The following DHTKD1 variants were observed in gnomAD, a reference collection of about 807,000 sequenced individuals.
The protein encoded by DHTKD1 is 2-oxoadipate dehydrogenase complex component E1.
Under a neutral mutation model 101.8 loss-of-function variants are expected in DHTKD1, and 78 were observed. The ratio of observed to expected loss-of-function variants is 0.77; its 90% confidence interval spans 0.64 to 0.93. The LOEUF is 0.93. DHTKD1 is among the 40% of genes least tolerant of loss of function. The probability of loss-of-function intolerance (pLI) is 0.00; values close to 1 mark genes in which losing one functional copy is unlikely to be tolerated. For synonymous variants in DHTKD1, 462 were observed against 450.3 expected (o/e 1.03, Z -0.33); for missense variants, 1,223 against 1,161.7 (o/e 1.05, Z -0.77).
chr10:12,097,639 T>A (rs1344971130), intron 7 of DHTKD1, 45 bp from the exon 8 acceptor site: 2 of 1,525,396 alleles, frequency 1.3e-6, no homozygotes, highest in African/African-American at 2.7e-5. Context: ...TCTATTAGAT[T>A]GTTACAGGTC....
At chr10:12,069,286 C>T in intron 1 of DHTKD1, 99 bp downstream of exon 1, 1 of 368,896 alleles carries the variant, frequency 2.7e-6, no homozygotes, top group South Asian at 3.8e-5. Context: ...AACCGGCTGC[C>T]GGCCTGAACG....
At chr10:12,113,608 G>C (rs1401072619) in intron 13 of DHTKD1, among the ~76,000 whole-genome samples, 1 of 152,170 alleles carries the variant, frequency 6.6e-6, no homozygotes, top group African/African-American at 2.4e-5. Flanking sequence ...GCCCTCCTGA[G>C]CAGAAATACT....
intron 10 of DHTKD1, among the ~76,000 whole-genome samples, chr10:12,101,403 T>C (rs1833168411): frequency 6.6e-6 from 1 of 152,198 alleles, no homozygotes; most frequent in South Asian, 2.1e-4. Context: ...TCTGTAATCA[T>C]GTAAATGTCA....
At position 12,118,934 on chromosome 10, in the gene DHTKD1, C is replaced by T; in HGVS notation, c.2572+16C>T. 6.7e-7 allele frequency: 1 copy of T among 1,493,694 alleles called. No homozygotes were observed. The highest frequency in any genetic ancestry group is 9.0e-7 in the Non-Finnish European group (1 of 1,115,556). The allele number at this position is 1,493,694 out of a possible 1,614,324, so 92.5% of individuals were successfully genotyped here. On this transcript the variant is annotated intron_variant, in intron 15 of 16. Coordinates refer to ENST00000263035, the MANE Select transcript of DHTKD1 (RefSeq NM_018706.7). ...CATGTTAAAGGTAAGAGGTTGTTCTCATTTGGGTTTTGATGTTCAGATACC... is the reference window on the plus strand; with the variant it reads ...CATGTTAAAGGTAAGAGGTTGTTCTTATTTGGGTTTTGATGTTCAGATACC...
At position 12,120,497 on chromosome 10, in the gene DHTKD1, C is replaced by T. The variant is rs540831855; in HGVS notation, c.2658+230C>T. 7 of 517,378 alleles carry T rather than the reference C, an allele frequency of 1.4e-5. No homozygotes were observed. In the South Asian group the frequency reaches 1.5e-4, roughly 11 times the overall value. 32.0% of individuals were successfully genotyped at this position (517,378 alleles called of 1,614,324 possible). On this transcript the variant is annotated intron_variant, in intron 16 of 16. Transcript: ENST00000263035. The stretch of plus-strand genomic sequence containing the variant: ...TACAGGCGCCCGCCACCACACCCAG[C>T]TAAATTTTTTTTGTATTTTTAGTAG...
At position 12,116,893 on chromosome 10, in the gene DHTKD1, G is replaced by A. The variant is rs527525370; in HGVS notation, c.2320-780G>A. On this transcript the variant is annotated intron_variant, in intron 13 of 16. Coordinates refer to ENST00000263035, the MANE Select transcript of DHTKD1 (RefSeq NM_018706.7). ...TTTTGTATTTTTTTGTAGAGATGGG[G>A]TTTCACCATCTTGCCTAGGCTGGTC... 5.9e-5 allele frequency among the ~76,000 whole-genome samples: 9 copies of A among 152,036 alleles called. No homozygotes were observed. In the South Asian group the frequency reaches 1.9e-3, roughly 32 times the overall value.
Position 12,100,247 on chromosome 10 carries a change from T to C in DHTKD1, c.1741T>C (p.Ser581Pro). Residue 581 changes from serine to proline, a missense_variant, in exon 9 of 17, where the codon TCT becomes CCT. By Grantham distance (74) the Ser-to-Pro change is moderately conservative. Coordinates refer to ENST00000263035, the MANE Select transcript of DHTKD1 (RefSeq NM_018706.7). ...WATAEALALG[S>P]LLAQGFNVRL... is the part of the protein sequence containing the mutation. ...CACCGCGGAAGCTCTTGCCTTGGGT[T>C]CTTTACTTGCTCAAGGTAAGAATTT... 4.6e-6 allele frequency: 7 copies of C among 1,516,168 alleles called. No homozygotes were observed. Among genetic ancestry groups the C allele is most frequent in the Non-Finnish European group, 6.3e-6 (7 of 1,118,460 alleles). The allele number at this position is 1,516,168 out of a possible 1,614,324, so 93.9% of individuals were successfully genotyped here.
chr10:12,085,865 T>G (rs1832889532), intron 3 of DHTKD1, among the ~76,000 whole-genome samples: 1 of 152,116 alleles, frequency 6.6e-6, no homozygotes, highest in Non-Finnish European at 1.5e-5. Context: ...GAGCTAAGAT[T>G]GCACCACTGT....
At chr10:12,086,237 T>C (rs1163326436) in intron 3 of DHTKD1, among the ~76,000 whole-genome samples, 1 of 149,648 alleles carries the variant, frequency 6.7e-6, no homozygotes, top group Non-Finnish European at 1.5e-5. Context: ...TTTTTTTTTT[T>C]TTTGAGATGG....
chr10:12,099,793 CT>C lies in DHTKD1; in HGVS notation c.1672-364del, dbSNP rs55758504. Among the ~76,000 whole-genome samples, 165 of 96,152 alleles carry C rather than the reference CT, an allele frequency of 1.7e-3. 2 individuals carry two copies. Among genetic ancestry groups the C allele is most frequent in the African/African-American group, 4.8e-3 (134 of 27,756 alleles). 63.1% of individuals were successfully genotyped at this position (96,152 alleles called of 152,430 possible). ...TTGTTTTTGATGCTTAATTTCGTTG[CT>C]TTTTTTTTTTTTTTTTTTTTGAGAT... is the stretch of plus-strand genomic sequence containing the variant. On this transcript the variant is annotated intron_variant, in intron 8 of 16. Transcript: ENST00000263035.
intron 12 of DHTKD1, 59 bp from the exon 13 acceptor site, chr10:12,112,841 A>G: frequency 1.3e-6 from 2 of 1,507,554 alleles, no homozygotes; most frequent in Non-Finnish European, 1.8e-6. Flanking sequence ...GCCCATTGTC[A>G]CTACGACTGA....
intron 15 of DHTKD1, among the ~76,000 whole-genome samples, chr10:12,119,601 G>C (rs1219490391): frequency 7.1e-6 from 1 of 140,444 alleles, no homozygotes; most frequent in Non-Finnish European, 1.5e-5. Context: ...GGGCGACAGA[G>C]CGAGACTCCG....
Position 12,069,710 on chromosome 10 carries a change from T to C in DHTKD1, c.154+523T>C, listed in dbSNP as rs867295697. 4.6e-3 allele frequency among the ~76,000 whole-genome samples: 509 copies of C among 111,550 alleles called. 5 individuals carry two copies. Among genetic ancestry groups the C allele is most frequent in the African/African-American group, 0.016 (470 of 29,428 alleles). 73.2% of individuals were successfully genotyped at this position (111,550 alleles called of 152,430 possible). ...TTTTTTTTTTTTTTTTTTTTTTTTT[T>C]CATTTTTAGTAGAGATGGGGTCCCA... On this transcript the variant is annotated intron_variant, in intron 1 of 16. Coordinates refer to ENST00000263035, the MANE Select transcript of DHTKD1 (RefSeq NM_018706.7).
chr10:12,098,246 A>G (rs773186114), intron 8 of DHTKD1, among the ~76,000 whole-genome samples: 2 of 152,194 alleles, frequency 1.3e-5, no homozygotes, highest in Admixed American at 6.6e-5. Context: ...CCTGGAATAC[A>G]TGCACACTAT....
chr10:12,109,856 G>A, intron 12 of DHTKD1, among the ~76,000 whole-genome samples: 1 of 152,050 alleles, frequency 6.6e-6, no homozygotes, highest in Admixed American at 6.6e-5. Flanking sequence ...ACTGAATTTA[G>A]AAATCAAGAG....
At position 12,106,544 on chromosome 10, in the gene DHTKD1, A is replaced by G. The variant is rs1430201177; in HGVS notation, c.2047+148A>G. On this transcript the variant is annotated intron_variant, in intron 11 of 16. Transcript: ENST00000263035. ...AGGGAGTTGGGGTCACCCTGTTATG[A>G]CGGGAGTGTGGCCACTGTCAGGTTA... The G allele has an allele frequency of 1.4e-5, 14 of 997,904 alleles. No individual in the cohort carries two copies. The East Asian group carries it at 3.1e-4, about 22-fold the overall frequency. The allele number at this position is 997,904 out of a possible 1,614,324, so 61.8% of individuals were successfully genotyped here.
intron 15 of DHTKD1, among the ~76,000 whole-genome samples, chr10:12,119,531 G>A (rs963306375): frequency 6.0e-5 from 9 of 150,136 alleles, no homozygotes; most frequent in African/African-American, 1.5e-4. Context: ...CAGGAGAATG[G>A]CGTGAACCCG....
chr10:12,069,118 G>A lies in DHTKD1; in HGVS notation c.85G>A (p.Gly29Ser). 6.2e-7 allele frequency: 1 copy of A among 1,607,886 alleles called. No homozygotes were observed. Among genetic ancestry groups the A allele is most frequent in the East Asian group, 2.2e-5 (1 of 44,662 alleles). The change falls in exon 1 of 17, where the codon GGC becomes AGC. Residue 29 changes from glycine to serine, a missense_variant. By Grantham distance (56) the Gly-to-Ser change is moderately conservative (BLOSUM62 0). Transcript: ENST00000263035. ...CTGGCGTGGCTACCAGACCGAGCGG[G>A]GCGTTTACGGCTACCGGCCGAGGAA... ...LFWRGYQTER[G>S]VYGYRPRKPE... is the part of the protein sequence containing the mutation.
At chr10:12,109,108 C>T (rs1327783237) in intron 12 of DHTKD1, among the ~76,000 whole-genome samples, 10 of 152,052 alleles carry the variant, frequency 6.6e-5, no homozygotes, top group Admixed American at 6.6e-4. Context: ...GATCACGCCA[C>T]TGCACTCCAG....
Sources: gnomAD v4.1 joint callset for allele counts (sites outside exome capture counted in the v4.1 genomes callset) on GRCh38, gnomAD v4.1.1 for gene constraint, MANE v1.5 for transcripts, NCBI Gene and HGNC (gene_info 2026-07-23, HGNC 2026-07-21) for gene names.